DIS3L2: variants seen among roughly 807,000 people sequenced by gnomAD.
DIS3L2 encodes the protein DIS3 like 3'-5' exoribonuclease 2.
DIS3L2 carries 34 observed loss-of-function variants against 97.5 expected under a neutral mutation model. That is an observed-to-expected ratio of 0.35 (90% CI 0.27 to 0.46). The LOEUF (loss-of-function observed/expected upper bound fraction) is 0.46, where lower values mean the gene tolerates loss of function less well. Ranked by LOEUF, DIS3L2 falls within the 20% of genes least tolerant of loss-of-function variation. The probability of loss-of-function intolerance (pLI) is 1.00; values close to 1 mark genes in which losing one functional copy is unlikely to be tolerated. For synonymous variants in DIS3L2, 435 were observed against 445.2 expected (o/e 0.98, Z 0.29); for missense variants, 1,038 against 1,146.0 (o/e 0.91, Z 1.36).
intron 13 of DIS3L2, among the ~76,000 whole-genome samples, chr2:232,342,508 C>G (rs908814513): frequency 1.3e-5 from 2 of 151,972 alleles, no homozygotes; most frequent in African/African-American, 4.8e-5. Flanking sequence ...ATAACTTGGA[C>G]AAAAGTAAAA....
chr2:232,130,599 T>C lies in DIS3L2; in HGVS notation c.602-20T>C, dbSNP rs748922151. ...CATCTGGTTGATGACTCCTCTTCTC[T>C]CTTTATCTTTTTAATGTAGGAAGAG... On this transcript the variant is annotated intron_variant, in intron 6 of 20. Transcript: ENST00000325385. 1.2e-6 allele frequency: 2 copies of C among 1,604,026 alleles called. No individual in the cohort carries two copies. The highest frequency in any genetic ancestry group is 1.7e-6 in the Non-Finnish European group (2 of 1,176,170).
In DIS3L2 at chr2:232,306,558, C is replaced by A. The variant is rs945401259; in HGVS notation, c.1739+6439C>A. ...TTTTGGTATATTTTATCTATTAGTT[C>A]TCTGTGTTTGTGTTGGGAAGGAGGT... is the stretch of plus-strand genomic sequence containing the variant. On this transcript the variant is annotated intron_variant, in intron 14 of 20. Transcript: ENST00000325385. Among the ~76,000 whole-genome samples the A allele has an allele frequency of 5.3e-5, 8 of 151,988 alleles. No individual in the cohort carries two copies. The East Asian group carries it at 1.5e-3, about 29-fold the overall frequency.
chr2:232,062,792 C>G (rs1695748659), intron 5 of DIS3L2, among the ~76,000 whole-genome samples: 1 of 152,028 alleles, frequency 6.6e-6, no homozygotes, highest in African/African-American at 2.4e-5. Flanking sequence ...TCCTATCAGC[C>G]TGCCTGCGTG....
At chr2:232,264,254 G>T (rs912820533) in intron 13 of DIS3L2, among the ~76,000 whole-genome samples, 1 of 152,208 alleles carries the variant, frequency 6.6e-6, no homozygotes, top group Non-Finnish European at 1.5e-5. Flanking sequence ...GTGCGGCCTG[G>T]TTCCTAACAG....
chr2:232,045,886 G>T (rs960556708), intron 5 of DIS3L2, among the ~76,000 whole-genome samples: 3 of 151,940 alleles, frequency 2.0e-5, no homozygotes, highest in South Asian at 2.1e-4. Flanking sequence ...TGTTGACCAG[G>T]CTGGTCTCGA....
intron 6 of DIS3L2, chr2:232,111,321 A>AT (rs954801340): frequency 3.1e-4 from 143 of 466,246 alleles, no homozygotes; most frequent in Non-Finnish European, 6.7e-5. Context: ...AATAGATCAT[A>AT]TTTTTTTAAA....
At chr2:232,042,873 C>A (rs1695146378) in intron 5 of DIS3L2, among the ~76,000 whole-genome samples, 1 of 152,168 alleles carries the variant, frequency 6.6e-6, no homozygotes, top group Non-Finnish European at 1.5e-5. Context: ...TAGGTAAATA[C>A]TTAGGGCAGT....
intron 1 of DIS3L2, 50 bp from the exon 2 acceptor site, chr2:232,014,785 G>A (rs1261748394): frequency 2.4e-5 from 18 of 760,150 alleles, no homozygotes; most frequent in Non-Finnish European, 3.6e-5. Flanking sequence ...GAGGACAGAG[G>A]AGGCTACAGC....
rs374731090 is a variant in DIS3L2, at chr2:232,333,956, C to T, written c.2127C>T (p.Val709=). ...FTSPIRRFAD[V]LVHRLLAAAL... is the part of the protein sequence containing the mutation. ...CGCCCATCCGCCGCTTTGCCGACGT[C>T]CTGGTGCACCGCCTCCTGGCTGCCG... Residue 709 remains valine (V), a synonymous_variant, in exon 17 of 21, where the codon GTC becomes GTT. Coordinates refer to ENST00000325385, the MANE Select transcript of DIS3L2 (RefSeq NM_152383.5). 4.3e-6 allele frequency: 7 copies of T among 1,612,514 alleles called. No homozygotes were observed. The African/African-American group carries it at 5.3e-5, about 12-fold the overall frequency.
intron 9 of DIS3L2, among the ~76,000 whole-genome samples, chr2:232,196,687 A>G (rs754543171): frequency 1.3e-5 from 2 of 151,654 alleles, no homozygotes; most frequent in African/African-American, 2.4e-5. Flanking sequence ...CTAAACATCT[A>G]TAGGACAGAC....
In DIS3L2 at chr2:232,336,096, A is replaced by AG. The variant is rs1299452278; in HGVS notation, c.2496+226dup. ...TGGGGGCAACCACAGTGGAGAGAGG[A>AG]GGGGCTCTGCCTGTCCCGCTAATGC... On this transcript the variant is annotated intron_variant, in intron 20 of 20. Transcript: ENST00000325385. The AG allele has an allele frequency of 1.9e-6, 3 of 1,543,570 alleles. No individual in the cohort carries two copies. In the Admixed American group the frequency reaches 5.9e-5, roughly 30 times the overall value.
chr2:232,107,993 A>G (rs938517658), intron 6 of DIS3L2, among the ~76,000 whole-genome samples: 4 of 152,142 alleles, frequency 2.6e-5, no homozygotes, highest in African/African-American at 4.8e-5. Flanking sequence ...TGAAACTTCC[A>G]AAAAATTGAA....
chr2:232,301,571 C>T (rs962632209), intron 14 of DIS3L2, among the ~76,000 whole-genome samples: 2 of 152,200 alleles, frequency 1.3e-5, no homozygotes, highest in Non-Finnish European at 2.9e-5. Context: ...ACCTTCAAGA[C>T]ATGATGACTG....
At chr2:232,333,728 T>G in intron 16 of DIS3L2, 112 bp from the exon 17 acceptor site, 14 of 1,414,400 alleles carry the variant, frequency 9.9e-6, no homozygotes, top group Admixed American at 2.4e-5. Context: ...CAGCAGCCCA[T>G]TAGGTCTGTC....
chr2:232,161,965 G>T (rs1381262606), intron 8 of DIS3L2, among the ~76,000 whole-genome samples: 1 of 151,948 alleles, frequency 6.6e-6, no homozygotes, highest in Non-Finnish European at 1.5e-5. Flanking sequence ...TAGAGACGGG[G>T]TTTCACCATG....
intron 5 of DIS3L2, among the ~76,000 whole-genome samples, chr2:232,059,800 A>G (rs1695651304): frequency 6.6e-6 from 1 of 152,150 alleles, no homozygotes; most frequent in Admixed American, 6.5e-5. Flanking sequence ...ATGGTGCTGG[A>G]AAGGACGTGA....
intron 1 of DIS3L2, among the ~76,000 whole-genome samples, chr2:231,975,517 A>G (rs367752473): frequency 6.6e-6 from 1 of 151,796 alleles, no homozygotes; most frequent in Non-Finnish European, 1.5e-5. Flanking sequence ...CCTGGCTAAC[A>G]TGGTGAAACT....
At chr2:232,277,498 G>A (rs1302894439) in intron 13 of DIS3L2, among the ~76,000 whole-genome samples, 1 of 151,276 alleles carries the variant, frequency 6.6e-6, no homozygotes, top group African/African-American at 2.4e-5. Context: ...TTTTTTTTCT[G>A]TGCTACTTTT....
chr2:232,173,549 A>G (rs1691054539), intron 9 of DIS3L2, among the ~76,000 whole-genome samples: 1 of 152,278 alleles, frequency 6.6e-6, no homozygotes, highest in Middle Eastern at 3.4e-3. Context: ...GTTTTCTTCT[A>G]TGAACTTTAT....
Sources: allele counts gnomAD v4.1 joint callset (sites outside exome capture counted in the v4.1 genomes callset), GRCh38; gene constraint gnomAD v4.1.1; transcripts MANE v1.5; gene names NCBI Gene and HGNC (gene_info 2026-07-23, HGNC 2026-07-21).